Variants in CHD8 observed in about 807,000 individuals in gnomAD.
The protein encoded by CHD8 is ATP-dependent chromatin remodeler CHD8.
Under a neutral mutation model 279.2 loss-of-function variants are expected in CHD8, and 31 were observed. The ratio of observed to expected loss-of-function variants is 0.11; its 90% CI spans 0.08 to 0.15. The LOEUF (loss-of-function observed/expected upper bound fraction) is 0.15. Ranked by LOEUF, CHD8 falls within the 10% of genes least tolerant of loss-of-function variation. The pLI is 1.00. For missense variants in CHD8, 2,146 were observed against 3,230.5 expected, an observed-to-expected ratio of 0.66 and a Z score of 8.14; for synonymous variants, 1,081 against 1,139.6, an observed-to-expected ratio of 0.95 and a Z score of 1.04.
Position 21,426,208 on chromosome 14 carries a change from G to A in CHD8, c.1636C>T (p.Arg546Cys). 1 of 1,609,872 alleles carries A rather than the reference G, an allele frequency of 6.2e-7. No individual in the cohort carries two copies. Among genetic ancestry groups the A allele is most frequent in the Non-Finnish European group, 8.5e-7 (1 of 1,176,752 alleles). Residue 546 changes from arginine (R) to cysteine (C), a missense_variant, in exon 5 of 38, where the codon CGT becomes TGT. Coordinates refer to ENST00000646647, the MANE Select transcript of CHD8 (RefSeq NM_001170629.2). ...TCTGAATTATCAGATGAGGTATTAC[G>A]TTTTCTCTTCTTACCCACTACAGGA... ...ITPVVGKKRK[R>C]NTSSDNSDVE...
rs185853110 is a variant in CHD8, at chr14:21,447,672, G to A, written c.-216+8360C>T. ...CAGGCGTGAGCCACTGCGCCCGGCC[G>A]GATGACACTATATCCTTATGACTCA... On this transcript the variant is annotated intron_variant, in intron 1 of 37. Transcript: ENST00000646647. 4.6e-5 allele frequency among the ~76,000 whole-genome samples: 7 copies of A among 151,928 alleles called. 1 individual carries two copies. The highest frequency in any genetic ancestry group is 5.9e-5 in the Non-Finnish European group (4 of 67,974).
chr14:21,424,645 G>A (rs1437512147), intron 5 of CHD8, among the ~76,000 whole-genome samples: 2 of 151,974 alleles, frequency 1.3e-5, no homozygotes, highest in African/African-American at 2.4e-5. Context: ...TAATTTTTTT[G>A]TATTTTTGGT....
At position 21,431,154 on chromosome 14, in the gene CHD8, C is replaced by A; in HGVS notation, c.490G>T (p.Ala164Ser). Residue 164 changes from alanine (A) to serine (S), a missense_variant, in exon 2 of 38, where the codon GCC becomes TCC. By Grantham distance (99) the Ala-to-Ser change is moderately conservative. Coordinates refer to ENST00000646647, the MANE Select transcript of CHD8 (RefSeq NM_001170629.2). ...QSAPKIVILKAPPSSSVTGAH... is the reference protein window; with the variant it reads ...QSAPKIVILKSPPSSSVTGAH... ...CCAGTGACTGAGGAGCTTGGTGGGG[C>A]CTTAAGGATAACAATCTTAGGGGCT... 1.3e-6 allele frequency: 2 copies of A among 1,599,054 alleles called. No homozygotes were observed. The highest frequency in any genetic ancestry group is 8.5e-7 in the Non-Finnish European group (1 of 1,179,614).
intron 1 of CHD8, among the ~76,000 whole-genome samples, chr14:21,439,070 T>C (rs566506577): frequency 6.6e-6 from 1 of 151,868 alleles, no homozygotes; most frequent in East Asian, 1.9e-4. Context: ...GAGGGTGCAG[T>C]GAGCCAAGAT....
chr14:21,405,085 T>A lies in CHD8; in HGVS notation c.3307+124A>T. 1.2e-6 allele frequency: 1 copy of A among 838,908 alleles called. No individual in the cohort carries two copies. The highest frequency in any genetic ancestry group is 1.8e-6 in the Non-Finnish European group (1 of 544,856). The allele number at this position is 838,908 out of a possible 1,614,324, so 52.0% of individuals were successfully genotyped here. ...TAAAAGGAGAACCATTTCCCTCCCA[T>A]TCCTCAGTCCGCACCCCAAATTAGG... On this transcript the variant is annotated intron_variant, in intron 16 of 37. Transcript: ENST00000646647. The surrounding 1 kb of genome is among the most constrained non-coding windows in gnomAD (Gnocchi z 4.2).
chr14:21,395,650 C>T lies in CHD8; in HGVS notation c.5127+167G>A, dbSNP rs563434792. 5 of 611,640 alleles carry T rather than the reference C, an allele frequency of 8.2e-6. No homozygotes were observed. The South Asian group carries it at 8.4e-5, about 10-fold the overall frequency. The allele number at this position is 611,640 out of a possible 1,614,324, so 37.9% of individuals were successfully genotyped here. A position where few individuals can be genotyped will look rare whatever the true frequency, so the allele number is the denominator to read the frequency against. The stretch of plus-strand genomic sequence containing the variant: ...TAAAGTTATCCCTGATCTCCCCCTA[C>T]TGGCATTACAGTCCTTTCCATTAAT... On this transcript the variant is annotated intron_variant, in intron 28 of 37. Transcript: ENST00000646647.
chr14:21,391,431 TTTA>T (rs1227729299), intron 36 of CHD8, 29 bp downstream of exon 36: 29 of 1,602,950 alleles, frequency 1.8e-5, no homozygotes, highest in African/African-American at 4.0e-5. Context: ...AAGGAATGAC[TTTA>T]AATCTTGCTG....
intron 5 of CHD8, chr14:21,425,720 G>T (rs774681684): frequency 6.3e-6 from 1 of 159,150 alleles, no homozygotes; most frequent in Non-Finnish European, 1.4e-5. Context: ...GATCACTTGA[G>T]GTCAGGAGTT....
chr14:21,393,087 G>C lies in CHD8; in HGVS notation c.6468+19C>G, dbSNP rs899781116. Reference sequence around the variant, plus strand: ...GTATTTCTGGACTCTACATGTCCAGGGATGAGGCTGTTTGTTACCTTGGGC... The same window carrying C: ...GTATTTCTGGACTCTACATGTCCAGCGATGAGGCTGTTTGTTACCTTGGGC... On this transcript the variant is annotated intron_variant, in intron 33 of 37. Coordinates refer to ENST00000646647, the MANE Select transcript of CHD8 (RefSeq NM_001170629.2). The C allele has an allele frequency of 6.2e-7, 1 of 1,612,066 alleles. No homozygotes were observed. Among genetic ancestry groups the C allele is most frequent in the Non-Finnish European group, 8.5e-7 (1 of 1,179,232 alleles).
chr14:21,400,790 C>A lies in CHD8; in HGVS notation c.4370+85G>T, dbSNP rs1174241660. The stretch of plus-strand genomic sequence containing the variant: ...CACATTATCCCTTCTTTGATCATAG[C>A]CCCCAATTTGAAAGGCAAACCAAGA... On this transcript the variant is annotated intron_variant, in intron 22 of 37. Coordinates refer to ENST00000646647, the MANE Select transcript of CHD8 (RefSeq NM_001170629.2). This position sits in a 1 kb window ranked among gnomAD's most constrained non-coding sequence, Gnocchi z 4.2. 2.2e-6 allele frequency: 3 copies of A among 1,386,462 alleles called. No individual in the cohort carries two copies. The highest frequency in any genetic ancestry group is 1.5e-5 in the African/African-American group (1 of 68,954). The allele number at this position is 1,386,462 out of a possible 1,614,324, so 85.9% of individuals were successfully genotyped here.
intron 4 of CHD8, 140 bp downstream of exon 4, chr14:21,427,729 A>C: frequency 6.6e-7 from 1 of 1,518,694 alleles, no homozygotes; most frequent in Non-Finnish European, 8.8e-7. Flanking sequence ...AGTAAGGAGC[A>C]CTCACTTGAG....
intron 13 of CHD8, among the ~76,000 whole-genome samples, chr14:21,407,846 T>C (rs573842075): frequency 6.6e-6 from 1 of 152,104 alleles, no homozygotes; most frequent in Admixed American, 6.5e-5. Context: ...CGGCCTCAGG[T>C]AATAAGCCCA....
In CHD8 at chr14:21,418,997, C is replaced by T. The variant is rs371521514; in HGVS notation, c.1717-3090G>A. On this transcript the variant is annotated intron_variant, in intron 5 of 37. Transcript: ENST00000646647. ...TTTTCTTCACTTGGTGAAGTAACTT[C>T]GATACATTTGTCAAAACTATACAAA... is the stretch of plus-strand genomic sequence containing the variant. Among the ~76,000 whole-genome samples the T allele has an allele frequency of 3.3e-5, 5 of 152,184 alleles. No homozygotes were observed. The East Asian group carries it at 9.7e-4, about 29-fold the overall frequency.
At chr14:21,446,691 T>A (rs898687075) in intron 1 of CHD8, among the ~76,000 whole-genome samples, 3 of 152,216 alleles carry the variant, frequency 2.0e-5, no homozygotes, top group African/African-American at 4.8e-5. Context: ...AAAGAGATAA[T>A]ACCTTGCCCA....
chr14:21,403,706 AT>A lies in CHD8; in HGVS notation c.3308-44del, dbSNP rs1888131077. On this transcript the variant is annotated intron_variant, in intron 16 of 37. Coordinates refer to ENST00000646647, the MANE Select transcript of CHD8 (RefSeq NM_001170629.2). This position sits in a 1 kb window ranked among gnomAD's most constrained non-coding sequence, Gnocchi z 4.3. ...AAATTATGTTGAGATCCAGTGAACCATATTAAGGTTGTAGTCTATTTAACTA... is the reference window on the plus strand; with the variant it reads ...AAATTATGTTGAGATCCAGTGAACCAATTAAGGTTGTAGTCTATTTAACTA... 1 of 1,476,944 alleles carries A rather than the reference AT, an allele frequency of 6.8e-7. No individual in the cohort carries two copies. Among genetic ancestry groups the A allele is most frequent in the East Asian group, 2.4e-5 (1 of 40,836 alleles). 91.5% of individuals were successfully genotyped at this position (1,476,944 alleles called of 1,614,324 possible). A position where few individuals can be genotyped will look rare whatever the true frequency, so the allele number is the denominator to read the frequency against.
intron 1 of CHD8, among the ~76,000 whole-genome samples, chr14:21,452,177 C>A (rs534606074): frequency 3.9e-5 from 6 of 152,056 alleles, no homozygotes; most frequent in Admixed American, 6.5e-5. Context: ...AGTAGCTGGG[C>A]CTACAGGACC....
At position 21,403,666 on chromosome 14, in the gene CHD8, G is replaced by A; in HGVS notation, c.3308-3C>T. 1 of 1,572,344 alleles carries A rather than the reference G, an allele frequency of 6.4e-7. No homozygotes were observed. Among genetic ancestry groups the A allele is most frequent in the Non-Finnish European group, 8.6e-7 (1 of 1,157,292 alleles). On this transcript the variant is annotated splice_polypyrimidine_tract_variant and splice_region_variant and intron_variant, in intron 16 of 37. Transcript: ENST00000646647. This position sits in a 1 kb window ranked among gnomAD's most constrained non-coding sequence, Gnocchi z 4.3. ...TGTTAGGATTTTTTCTTCAGCACCT[G>A]CCAAAAGAAAAATCAAATTATGTTG...
At chr14:21,451,729 G>T (rs986545420) in intron 1 of CHD8, among the ~76,000 whole-genome samples, 13 of 151,930 alleles carry the variant, frequency 8.6e-5, no homozygotes, top group African/African-American at 3.1e-4. Context: ...CAACAAATAA[G>T]ATATTTTGAA....
At position 21,426,319 on chromosome 14, in the gene CHD8, C is replaced by T. The variant is rs1056905992; in HGVS notation, c.1602-77G>A. On this transcript the variant is annotated intron_variant, in intron 4 of 37. Transcript: ENST00000646647. Reference sequence around the variant, plus strand: ...AGTAAAAAAACATAATTAATCTAAACCATCACATACAAAACTTCCAGACAG... The same window carrying T: ...AGTAAAAAAACATAATTAATCTAAATCATCACATACAAAACTTCCAGACAG... 1.7e-5 allele frequency: 12 copies of T among 717,842 alleles called. No homozygotes were observed. In the African/African-American group the frequency reaches 2.2e-4, roughly 13 times the overall value. The allele number at this position is 717,842 out of a possible 1,614,324, so 44.5% of individuals were successfully genotyped here.
Sources: allele counts gnomAD v4.1 joint callset (sites outside exome capture counted in the v4.1 genomes callset), GRCh38; gene constraint gnomAD v4.1.1; non-coding constraint Gnocchi (gnomAD v3.1); transcripts MANE v1.5; gene names NCBI Gene and HGNC (gene_info 2026-07-23, HGNC 2026-07-21).